The following CSTF3 variants were observed in gnomAD, a reference collection of about 807,000 sequenced individuals.
The protein encoded by CSTF3 is CF-1 77 kDa subunit.
CSTF3 carries 29 observed loss-of-function variants against 105.8 expected under a neutral mutation model. The observed-to-expected ratio is 0.27, with a 90% CI of 0.20 to 0.37. The LOEUF (loss-of-function observed/expected upper bound fraction) is 0.37, where lower values mean the gene tolerates loss of function less well. Ranked by LOEUF, CSTF3 falls within the 10% of genes least tolerant of loss-of-function variation. The pLI is 1.00. For synonymous variants in CSTF3, 252 were observed against 281.9 expected (o/e 0.89, Z 1.06); for missense variants, 357 against 879.3 (o/e 0.41, Z 7.51).
chr11:33,132,368 G>C (rs770595900), intron 3 of CSTF3, among the ~76,000 whole-genome samples: 12 of 151,678 alleles, frequency 7.9e-5, no homozygotes, highest in Non-Finnish European at 1.2e-4. Context: ...AACTGAACTT[G>C]AATAATAATT....
intron 3 of CSTF3, among the ~76,000 whole-genome samples, chr11:33,115,133 T>C (rs568300406): frequency 6.6e-6 from 1 of 152,316 alleles, no homozygotes; most frequent in South Asian, 2.1e-4. Flanking sequence ...CTGCATCTTT[T>C]CTACTCTAAA....
chr11:33,145,869 T>A (rs1855775679), intron 1 of CSTF3, among the ~76,000 whole-genome samples: 1 of 151,754 alleles, frequency 6.6e-6, no homozygotes, highest in Non-Finnish European at 1.5e-5. Flanking sequence ...AGATCCAACA[T>A]TTTATAATTA....
chr11:33,101,766 G>C (rs1457920929), intron 10 of CSTF3, among the ~76,000 whole-genome samples: 1 of 152,078 alleles, frequency 6.6e-6, no homozygotes, highest in Non-Finnish European at 1.5e-5. Context: ...TAAACTCCAT[G>C]GTGGTTGAAG....
intron 1 of CSTF3, among the ~76,000 whole-genome samples, chr11:33,145,537 C>T (rs988974802): frequency 4.6e-5 from 7 of 152,246 alleles, no homozygotes; most frequent in South Asian, 2.1e-4. Context: ...TGGCCGGGCA[C>T]GGTGGCTCAT....
intron 8 of CSTF3, among the ~76,000 whole-genome samples, chr11:33,105,078 T>C (rs1275580452): frequency 6.6e-6 from 1 of 152,166 alleles, no homozygotes; most frequent in Non-Finnish European, 1.5e-5. Flanking sequence ...CTAGAGCTTA[T>C]TTGGCATGTG....
chr11:33,146,849 C>G (rs1323100527), intron 1 of CSTF3, among the ~76,000 whole-genome samples: 1 of 145,928 alleles, frequency 6.9e-6, no homozygotes, highest in Non-Finnish European at 1.5e-5. Flanking sequence ...AATGGGTTTA[C>G]TTCTTGAAAA....
chr11:33,145,284 AG>A (rs1290938484), intron 1 of CSTF3, among the ~76,000 whole-genome samples: 1 of 151,848 alleles, frequency 6.6e-6, no homozygotes. Context: ...AAAAATACAA[AG>A]AATTAGTGGG....
chr11:33,128,752 T>TA (rs1349878452), intron 3 of CSTF3, among the ~76,000 whole-genome samples: 3 of 152,134 alleles, frequency 2.0e-5, no homozygotes, highest in African/African-American at 7.2e-5. Context: ...GCTTAAAAAT[T>TA]AAAAAAACAC....
intron 3 of CSTF3, among the ~76,000 whole-genome samples, chr11:33,137,513 T>C (rs1163957868): frequency 6.6e-6 from 1 of 151,854 alleles, no homozygotes; most frequent in Non-Finnish European, 1.5e-5. Flanking sequence ...TTACTACTTA[T>C]TATAGTCAAC....
intron 1 of CSTF3, chr11:33,156,810 A>G (rs1357529324): frequency 3.6e-5 from 14 of 392,730 alleles, no homozygotes; most frequent in East Asian, 7.9e-5. Flanking sequence ...CTACCTAAAT[A>G]GTAAATAAAT....
intron 3 of CSTF3, among the ~76,000 whole-genome samples, chr11:33,132,313 C>CA (rs1384405737): frequency 1.3e-5 from 2 of 151,960 alleles, no homozygotes; most frequent in Non-Finnish European, 2.9e-5. Context: ...TCTGACCCTG[C>CA]AGTTGAGGCA....
intron 3 of CSTF3, among the ~76,000 whole-genome samples, chr11:33,122,843 G>A (rs1346335503): frequency 5.4e-5 from 8 of 148,722 alleles, no homozygotes; most frequent in Admixed American, 2.0e-4. Context: ...TGGAGCCTAG[G>A]AGGTGGAGGC....
intron 5 of CSTF3, 75 bp from the exon 6 acceptor site, chr11:33,106,139 G>T: frequency 1.8e-6 from 2 of 1,131,178 alleles, no homozygotes; most frequent in South Asian, 1.3e-5. Context: ...GCCAGACATG[G>T]TGGCTCATGC....
intron 3 of CSTF3, among the ~76,000 whole-genome samples, chr11:33,122,317 T>C (rs930646300): frequency 6.6e-6 from 1 of 152,192 alleles, no homozygotes; most frequent in Non-Finnish European, 1.5e-5. Context: ...GATTTTGATA[T>C]CTCTATATAC....
intron 3 of CSTF3, among the ~76,000 whole-genome samples, chr11:33,138,663 A>C (rs899341101): frequency 6.6e-5 from 10 of 151,886 alleles, no homozygotes; most frequent in African/African-American, 1.7e-4. Flanking sequence ...AGTGATATTT[A>C]AACTTTATAC....
chr11:33,133,651 C>G (rs1048409355), intron 3 of CSTF3, among the ~76,000 whole-genome samples: 1 of 152,206 alleles, frequency 6.6e-6, no homozygotes, highest in Admixed American at 6.5e-5. Flanking sequence ...TTGAGACCAG[C>G]CTGGCCAAAA....
chr11:33,117,882 T>C (rs1855448040), intron 3 of CSTF3, among the ~76,000 whole-genome samples: 1 of 151,770 alleles, frequency 6.6e-6, no homozygotes, highest in Admixed American at 6.6e-5. Flanking sequence ...AGAAGTGAAA[T>C]CCAAAAAATA....
chr11:33,145,532 G>A (rs750595822), intron 1 of CSTF3, among the ~76,000 whole-genome samples: 4 of 152,096 alleles, frequency 2.6e-5, no homozygotes, highest in Admixed American at 6.6e-5. Flanking sequence ...AATATTGGCC[G>A]GGCACGGTGG....
In CSTF3 at chr11:33,103,244, C is replaced by T. The variant is rs530085777; in HGVS notation, c.586-60G>A. ...TAGTTTCTTAAAAATTAGTACAATA[C>T]AGTTAATTTATTCATTTACTAAATA... On this transcript the variant is annotated intron_variant, in intron 8 of 20. Coordinates refer to ENST00000323959, the MANE Select transcript of CSTF3 (RefSeq NM_001326.3). 2.8e-4 allele frequency: 203 copies of T among 719,300 alleles called. 1 individual carries two copies. In the South Asian group the frequency reaches 3.3e-3, roughly 12 times the overall value. The allele number at this position is 719,300 out of a possible 1,614,324, so 44.6% of individuals were successfully genotyped here.
Sources: allele counts gnomAD v4.1 joint callset (sites outside exome capture counted in the v4.1 genomes callset), GRCh38; gene constraint gnomAD v4.1.1; transcripts MANE v1.5; gene names NCBI Gene and HGNC (gene_info 2026-07-23, HGNC 2026-07-21).